ZNF813: variants seen among roughly 807,000 people sequenced by gnomAD.
The protein encoded by ZNF813 is zinc finger protein 813.
ZNF813 carries 3 observed loss-of-function variants against 7.2 expected under a neutral mutation model. The ratio of observed to expected loss-of-function variants is 0.42; its 90% CI spans 0.19 to 1.08. The LOEUF (loss-of-function observed/expected upper bound fraction) is 1.08. ZNF813 is among the 50% of genes least tolerant of loss of function. The pLI is 0.30. For synonymous variants in ZNF813, 227 were observed against 256.3 expected (o/e 0.89, Z 1.09); for missense variants, 714 against 753.3 (o/e 0.95, Z 0.61).
At chr19:53,470,159 T>TTC (rs1568825757) in intron 1 of ZNF813, among the ~76,000 whole-genome samples, 7 of 66,518 alleles carry the variant, frequency 1.1e-4, no homozygotes, top group African/African-American at 3.8e-4. Context: ...CTTTCTTTCT[T>TTC]TTTCTTTTCT....
At chr19:53,472,179 G>C (rs1023238684) in intron 1 of ZNF813, among the ~76,000 whole-genome samples, 1 of 152,124 alleles carries the variant, frequency 6.6e-6, no homozygotes, top group Non-Finnish European at 1.5e-5. Flanking sequence ...TCTGGCTTTA[G>C]AATGGTGAAA....
rs1236044884 is a variant in ZNF813 at position 53,495,182 on chromosome 19, G to A, written c.*3096G>A. 1.3e-5 allele frequency: 2 copies of A among 152,010 alleles called. No individual in the cohort carries two copies. Among genetic ancestry groups the A allele is most frequent in the East Asian group, 3.9e-4 (2 of 5,178 alleles). The allele number at this position is 152,010 out of a possible 1,614,324, so 9.4% of individuals were successfully genotyped here. A position where few individuals can be genotyped will look rare whatever the true frequency, so the allele number is the denominator to read the frequency against. Reference sequence around the variant, plus strand: ...CAAGACAATGTTGAAGGTGATGCATGGAGTGGCAGGCACACCATCCACATC... The same window carrying A: ...CAAGACAATGTTGAAGGTGATGCATAGAGTGGCAGGCACACCATCCACATC... On this transcript the variant is annotated 3_prime_UTR_variant, in exon 4 of 4. Coordinates refer to ENST00000396403, the MANE Select transcript of ZNF813 (RefSeq NM_001004301.4).
chr19:53,479,628 T>A (rs2086397939), intron 1 of ZNF813: 2 of 1,224,258 alleles, frequency 1.6e-6, no homozygotes, highest in Admixed American at 3.5e-5. Flanking sequence ...CAAAGGTTAT[T>A]GAAATCTGGG....
At chr19:53,475,434 C>T (rs2086377578) in intron 1 of ZNF813, among the ~76,000 whole-genome samples, 1 of 152,256 alleles carries the variant, frequency 6.6e-6, no homozygotes, top group Non-Finnish European at 1.5e-5. Flanking sequence ...TGGGGAATAC[C>T]TCGTCTACTG....
Position 53,492,106 on chromosome 19 carries a change from A to G in ZNF813, c.*20A>G, listed in dbSNP as rs748807166. ...AATTGAAAAGCAAAGCTTGCACATCATCATACAATTCATACTGGAAAGAAA... is the reference window on the plus strand; with the variant it reads ...AATTGAAAAGCAAAGCTTGCACATCGTCATACAATTCATACTGGAAAGAAA... On this transcript the variant is annotated 3_prime_UTR_variant, in exon 4 of 4. Coordinates refer to ENST00000396403, the MANE Select transcript of ZNF813 (RefSeq NM_001004301.4). 2 of 1,600,366 alleles carry G rather than the reference A, an allele frequency of 1.2e-6. No individual in the cohort carries two copies. Among genetic ancestry groups the G allele is most frequent in the Admixed American group, 1.7e-5 (1 of 57,396 alleles).
chr19:53,482,766 C>T (rs1182301076), intron 1 of ZNF813, among the ~76,000 whole-genome samples: 1 of 136,932 alleles, frequency 7.3e-6, no homozygotes, highest in Admixed American at 7.8e-5. Flanking sequence ...CTCTATTGCC[C>T]AGGCTGTGAG....
Position 53,492,528 on chromosome 19 carries a change from C to T in ZNF813, c.*442C>T. On this transcript the variant is annotated 3_prime_UTR_variant, in exon 4 of 4. Transcript: ENST00000396403. ...CTGGCACAACATCCTAGAATTTATA[C>T]TGGAGAGAAACCTTACAAGTGTAAT... is the stretch of plus-strand genomic sequence containing the variant. The T allele has an allele frequency of 2.0e-6, 1 of 501,054 alleles. No individual in the cohort carries two copies. The highest frequency in any genetic ancestry group is 5.5e-5 in the East Asian group (1 of 18,336). The allele number at this position is 501,054 out of a possible 1,614,324, so 31.0% of individuals were successfully genotyped here.
intron 1 of ZNF813, among the ~76,000 whole-genome samples, chr19:53,474,824 A>G (rs1199702780): frequency 1.3e-5 from 2 of 152,192 alleles, no homozygotes; most frequent in East Asian, 3.8e-4. Context: ...AAGAACTTCT[A>G]CTACCTTCTT....
chr19:53,479,750 A>G (rs1329215912), intron 1 of ZNF813: 37 of 1,288,904 alleles, frequency 2.9e-5, no homozygotes, highest in Non-Finnish European at 4.0e-5. Flanking sequence ...GTTGGTGATC[A>G]TTGAAAGAGA....
At chr19:53,468,285 C>A (rs2086338387) in intron 1 of ZNF813, among the ~76,000 whole-genome samples, 2 of 150,976 alleles carry the variant, frequency 1.3e-5, no homozygotes, top group Admixed American at 1.3e-4. Flanking sequence ...CCTCCGCAGT[C>A]ACGGCTTCCC....
chr19:53,475,621 G>T (rs1006965005), intron 1 of ZNF813, among the ~76,000 whole-genome samples: 2 of 127,556 alleles, frequency 1.6e-5, no homozygotes, highest in Admixed American at 8.1e-5. Context: ...TTATGACTCA[G>T]TGTGGCACCC....
intron 3 of ZNF813, among the ~76,000 whole-genome samples, chr19:53,486,996 T>A (rs12977080): frequency 9.3e-6 from 1 of 107,260 alleles, no homozygotes; most frequent in African/African-American, 3.1e-5. Flanking sequence ...TTTTTTTTTT[T>A]TTTTTTTTAG....
At position 53,492,338 on chromosome 19, in the gene ZNF813, C is replaced by A; in HGVS notation, c.*252C>A. Reference sequence around the variant, plus strand: ...AAGTTTACAGTGGCAAATCGAGCCTCAAAAGACAGGAGAATTCATACTGGA... The same window carrying A: ...AAGTTTACAGTGGCAAATCGAGCCTAAAAAGACAGGAGAATTCATACTGGA... On this transcript the variant is annotated 3_prime_UTR_variant, in exon 4 of 4. Coordinates refer to ENST00000396403, the MANE Select transcript of ZNF813 (RefSeq NM_001004301.4). 1.6e-6 allele frequency: 1 copy of A among 626,682 alleles called. No homozygotes were observed. Among genetic ancestry groups the A allele is most frequent in the Non-Finnish European group, 2.8e-6 (1 of 359,106 alleles). The allele number at this position is 626,682 out of a possible 1,614,324, so 38.8% of individuals were successfully genotyped here. A position where few individuals can be genotyped will look rare whatever the true frequency, so the allele number is the denominator to read the frequency against.
chr19:53,493,482 T>C lies in ZNF813; in HGVS notation c.*1396T>C, dbSNP rs2086473295. The C allele has an allele frequency of 6.6e-6, 1 of 151,824 alleles. No homozygotes were observed. Among genetic ancestry groups the C allele is most frequent in the African/African-American group, 2.5e-5 (1 of 40,788 alleles). The allele number at this position is 151,824 out of a possible 1,614,324, so 9.4% of individuals were successfully genotyped here. ...AAATGGAAGTGTTTTTAAATTTTCT[T>C]TTAAAATTGTTTATTGTTACAAACT... On this transcript the variant is annotated 3_prime_UTR_variant, in exon 4 of 4. Coordinates refer to ENST00000396403, the MANE Select transcript of ZNF813 (RefSeq NM_001004301.4).
At chr19:53,474,112 T>C (rs2086371692) in intron 1 of ZNF813, among the ~76,000 whole-genome samples, 1 of 152,214 alleles carries the variant, frequency 6.6e-6, no homozygotes, top group Non-Finnish European at 1.5e-5. Context: ...AGTCCAAACC[T>C]GGGAAGAAGT....
At chr19:53,476,821 G>A (rs1388704847) in intron 1 of ZNF813, among the ~76,000 whole-genome samples, 4 of 151,918 alleles carry the variant, frequency 2.6e-5, no homozygotes, top group African/African-American at 7.2e-5. Context: ...CCGCCACCAC[G>A]CCTGGCTAAT....
chr19:53,468,219 G>GGGGGGGGGCCCCCCCCCC (rs2086337069), intron 1 of ZNF813, among the ~76,000 whole-genome samples: 1 of 52,916 alleles, frequency 1.9e-5, no homozygotes. Flanking sequence ...GCGCCCTCGC[G>GGGGGGGGGCCCCCCCCCC]CCCCCCCCCC....
Position 53,490,473 on chromosome 19 carries a change from C to T in ZNF813, c.241C>T (p.His81Tyr), listed in dbSNP as rs2086454153. The change falls in exon 4 of 4, where the codon CAC becomes TAC. Residue 81 changes from histidine to tyrosine, a missense_variant. Around this residue, in one of 3 missense-constraint regions of ZNF813, gnomAD observed 563 missense variants for 554.2 expected, o/e 1.02. Transcript: ENST00000396403. ...GACATTGCAAAGACATGAAAGTCAT[C>T]ACACTGGAGACTTTCGCTTTCAGGA... ...TGTLQRHESH[H>Y]TGDFRFQEID... 1.2e-6 allele frequency: 2 copies of T among 1,614,170 alleles called. No homozygotes were observed. The highest frequency in any genetic ancestry group is 8.5e-7 in the Non-Finnish European group (1 of 1,180,032).
Position 53,495,112 on chromosome 19 carries a change from A to G in ZNF813, c.*3026A>G, listed in dbSNP as rs1447531366. 1 of 152,262 alleles carries G rather than the reference A, an allele frequency of 6.6e-6. No homozygotes were observed. The highest frequency in any genetic ancestry group is 1.5e-5 in the Non-Finnish European group (1 of 68,060). The allele number at this position is 152,262 out of a possible 1,614,324, so 9.4% of individuals were successfully genotyped here. A position where few individuals can be genotyped will look rare whatever the true frequency, so the allele number is the denominator to read the frequency against. On this transcript the variant is annotated 3_prime_UTR_variant, in exon 4 of 4. Transcript: ENST00000396403. ...AAAAGATTATGGAGATGATGCCCAGAAGAAATAAACAGTTTGTAAATGGAT... is the reference window on the plus strand; with the variant it reads ...AAAAGATTATGGAGATGATGCCCAGGAGAAATAAACAGTTTGTAAATGGAT...
Sources: allele counts gnomAD v4.1 joint callset (sites outside exome capture counted in the v4.1 genomes callset), GRCh38; gene constraint gnomAD v4.1.1; regional missense constraint gnomAD v4.1.1; transcripts MANE v1.5; gene names NCBI Gene and HGNC (gene_info 2026-07-23, HGNC 2026-07-21).